Variants in CYP2B6 observed in about 807,000 individuals in gnomAD.
CYP2B6 encodes the protein cytochrome P450 family 2 subfamily B member 6, also known as cytochrome P450 2B6.
Under a neutral mutation model 43.4 loss-of-function variants are expected in CYP2B6, and 35 were observed. That is an observed-to-expected ratio of 0.81 (90% confidence interval 0.62 to 1.07). The LOEUF (loss-of-function observed/expected upper bound fraction) is 1.07. Among genes scored for constraint, CYP2B6 ranks in the 50% least tolerant of loss-of-function variants. CYP2B6 has a pLI of 0.00. For synonymous variants in CYP2B6, 239 were observed against 239.2 expected (o/e 1.00, Z 0.01); for missense variants, 624 against 632.8 (o/e 0.99, Z 0.15).
intron 4 of CYP2B6, chr19:41,007,405 AG>A: frequency 9.6e-6 from 3 of 311,212 alleles, no homozygotes; most frequent in Non-Finnish European, 1.8e-5. Context: ...AGAGGGAGAG[AG>A]AGAGAACGAA....
intron 4 of CYP2B6, chr19:41,007,305 T>A: frequency 1.9e-6 from 1 of 534,480 alleles, no homozygotes; most frequent in Non-Finnish European, 3.4e-6. Context: ...AGAGAGAGAC[T>A]GAGAGAAGGA....
chr19:40,999,298 T>C (rs1211911590), intron 1 of CYP2B6, among the ~76,000 whole-genome samples: 4 of 151,998 alleles, frequency 2.6e-5, no homozygotes, highest in African/African-American at 9.7e-5. Flanking sequence ...TTTGTTTGAG[T>C]TCATTGTAGA....
chr19:41,010,892 A>G (rs1489513346), intron 6 of CYP2B6, among the ~76,000 whole-genome samples: 1 of 152,116 alleles, frequency 6.6e-6, no homozygotes, highest in Non-Finnish European at 1.5e-5. Context: ...AGAACATGCA[A>G]TATTTGACTT....
chr19:40,995,822 G>A (rs986780602), intron 1 of CYP2B6, among the ~76,000 whole-genome samples: 11 of 152,076 alleles, frequency 7.2e-5, no homozygotes, highest in African/African-American at 2.7e-4. Context: ...ACTGTTGCGG[G>A]ACAATCAAAG....
chr19:41,001,622 A>G (rs536683481), intron 1 of CYP2B6, among the ~76,000 whole-genome samples: 75 of 152,304 alleles, frequency 4.9e-4, no homozygotes, highest in African/African-American at 1.7e-3. Context: ...GATATTGCAT[A>G]CAGCTAGTAT....
At chr19:41,007,874 C>T (rs2144671753) in intron 4 of CYP2B6, among the ~76,000 whole-genome samples, 1 of 152,076 alleles carries the variant, frequency 6.6e-6, no homozygotes, top group East Asian at 1.9e-4. Flanking sequence ...GATCTGCCCG[C>T]CTCAGACTCC....
rs138304197 is a variant in CYP2B6 at position 41,015,657 on chromosome 19, T to C, written c.1295-989T>C. ...GAAGCCATAGACCCTCCCTGTCTCA[T>C]ACGCATCAGTCCCATTCACAATTTA... is the stretch of plus-strand genomic sequence containing the variant. On this transcript the variant is annotated intron_variant, in intron 8 of 8. Transcript: ENST00000324071. Among the ~76,000 whole-genome samples the C allele has an allele frequency of 1.9e-3, 286 of 152,268 alleles. 1 individual carries two copies. The highest frequency in any genetic ancestry group is 6.7e-3 in the African/African-American group (277 of 41,528).
At chr19:41,006,674 C>T (rs1403122318) in intron 3 of CYP2B6, among the ~76,000 whole-genome samples, 8 of 152,174 alleles carry the variant, frequency 5.3e-5, no homozygotes, top group Non-Finnish European at 1.0e-4. Context: ...CTCAGCCTCT[C>T]GGTCTGCCCA....
At chr19:40,991,628 G>T (rs1968921960) in intron 1 of CYP2B6, 152 bp downstream of exon 1, 4 of 815,318 alleles carry the variant, frequency 4.9e-6, no homozygotes, top group Non-Finnish European at 2.1e-6. Context: ...ATGATGGGTG[G>T]TATTATTAGG....
intron 6 of CYP2B6, among the ~76,000 whole-genome samples, chr19:41,012,051 T>G (rs1258622644): frequency 2.0e-5 from 3 of 152,022 alleles, no homozygotes; most frequent in African/African-American, 7.2e-5. Context: ...TGGGTTCAAG[T>G]GATTCTCCTG....
intron 1 of CYP2B6, among the ~76,000 whole-genome samples, chr19:40,992,734 G>T (rs1568556518): frequency 6.6e-6 from 1 of 152,034 alleles, no homozygotes; most frequent in Non-Finnish European, 1.5e-5. Flanking sequence ...TGCCCAGACT[G>T]GTCTTAAACT....
intron 8 of CYP2B6, among the ~76,000 whole-genome samples, chr19:41,014,247 CAT>C (rs1348710535): frequency 6.6e-6 from 1 of 152,030 alleles, no homozygotes; most frequent in African/African-American, 2.4e-5. Context: ...AAATTGGGAA[CAT>C]GTGTGGTGAT....
intron 1 of CYP2B6, among the ~76,000 whole-genome samples, chr19:41,000,807 A>G (rs1969071245): frequency 6.6e-6 from 1 of 151,980 alleles, no homozygotes; most frequent in Non-Finnish European, 1.5e-5. Context: ...GGGAGGCTGA[A>G]GCAGGTGGAT....
chr19:41,009,666 G>C (rs1352578899), intron 5 of CYP2B6: 2 of 605,370 alleles, frequency 3.3e-6, no homozygotes, highest in Non-Finnish European at 5.8e-6. Flanking sequence ...AGAGAAGACT[G>C]GCTGAGGAAG....
At chr19:41,003,910 A>C in intron 1 of CYP2B6, 91 bp from the exon 2 acceptor site, 8 of 1,532,298 alleles carry the variant, frequency 5.2e-6, no homozygotes, top group Non-Finnish European at 7.2e-6. Flanking sequence ...GGAGGGGCTA[A>C]TTACCAATCT....
chr19:41,001,878 G>A (rs1969095276), intron 1 of CYP2B6, among the ~76,000 whole-genome samples: 1 of 152,012 alleles, frequency 6.6e-6, no homozygotes, highest in Non-Finnish European at 1.5e-5. Context: ...AACTAAAGCA[G>A]GGGGATATTT....
Position 41,007,032 on chromosome 19 carries a change from G to A in CYP2B6, c.612G>A (p.Gln204=), listed in dbSNP as rs1229680443. 2 of 1,613,988 alleles carry A rather than the reference G, an allele frequency of 1.2e-6. No homozygotes were observed. The highest frequency in any genetic ancestry group is 1.3e-5 in the African/African-American group (1 of 74,858). Residue 204 remains glutamine (Q), a synonymous_variant, in exon 4 of 9, where the codon CAG becomes CAA. Transcript: ENST00000324071. The part of the protein sequence containing the change: ...EFLKMLNLFY[Q]TFSLISSVFG... ...TGAAGATGCTGAACTTGTTCTACCA[G>A]ACTTTTTCACTCATCAGCTCTGTAT...
At chr19:41,011,501 T>C (rs533924075) in intron 6 of CYP2B6, among the ~76,000 whole-genome samples, 203 of 152,372 alleles carry the variant, frequency 1.3e-3, no homozygotes, top group African/African-American at 4.7e-3. Context: ...TATTCATCAA[T>C]CTTTCCATCC....
chr19:41,005,809 AAGAAC>A (rs1433030332), intron 3 of CYP2B6, among the ~76,000 whole-genome samples: 68 of 151,914 alleles, frequency 4.5e-4, no homozygotes, highest in African/African-American at 1.6e-3. Context: ...TAATAAAATA[AAGAAC>A]GGCAGGGGGG....
Sources: gnomAD v4.1 joint callset for allele counts (sites outside exome capture counted in the v4.1 genomes callset) on GRCh38, gnomAD v4.1.1 for gene constraint, MANE v1.5 for transcripts, NCBI Gene and HGNC (gene_info 2026-07-23, HGNC 2026-07-21) for gene names.